The following TNFRSF10C variants were observed in gnomAD, a reference collection of about 807,000 sequenced individuals.
TNFRSF10C encodes tumor necrosis factor receptor superfamily member 10C.
TNFRSF10C carries 17 observed loss-of-function variants against 16.7 expected under a neutral mutation model. The ratio of observed to expected loss-of-function variants is 1.02; its 90% CI spans 0.70 to 1.53. The LOEUF is 1.53. Ranked by LOEUF, TNFRSF10C falls within the 40% of genes most tolerant of loss-of-function variation. TNFRSF10C has a pLI of 0.00. For missense variants in TNFRSF10C, 237 were observed against 329.7 expected (o/e 0.72, Z 2.18); for synonymous variants, 73 against 119.7 (o/e 0.61, Z 2.55).
rs371065044 is a variant in TNFRSF10C at position 23,111,727 on chromosome 8, C to G, written c.68C>G (p.Ala23Gly). 1.9e-6 allele frequency: 3 copies of G among 1,613,998 alleles called. No individual in the cohort carries two copies. Among genetic ancestry groups the G allele is most frequent in the Non-Finnish European group, 2.5e-6 (3 of 1,179,986 alleles). The change falls in exon 2 of 5, where the codon GCT becomes GGT. Residue 23 changes from alanine to glycine, a missense_variant. Physicochemically the swap from Ala to Gly is moderately conservative, Grantham distance 60 (BLOSUM62 0). Coordinates refer to ENST00000356864, the MANE Select transcript of TNFRSF10C (RefSeq NM_003841.5). ...ACTCCTTTGTCCCCACAGGTCCTAG[C>G]TTACTCTGCCACCACTGCCCGGCAG... is the stretch of plus-strand genomic sequence containing the variant. Reference protein sequence around the residue: ...VIVAVLLPVLAYSATTARQEE... With the variant: ...VIVAVLLPVLGYSATTARQEE...
chr8:23,104,296 C>T (rs1039040484), intron 1 of TNFRSF10C, among the ~76,000 whole-genome samples: 1 of 152,238 alleles, frequency 6.6e-6, no homozygotes, highest in African/African-American at 2.4e-5. Context: ...TGTACAATCA[C>T]TTTGTTAAAT....
intron 3 of TNFRSF10C, among the ~76,000 whole-genome samples, 181 bp downstream of exon 3, chr8:23,114,951 C>A (rs1813949455): frequency 6.6e-6 from 1 of 152,170 alleles, no homozygotes; most frequent in Admixed American, 6.5e-5. Flanking sequence ...ATGCATGCCA[C>A]CTGGCTGGGA....
At position 23,117,211 on chromosome 8, in the gene TNFRSF10C, T is replaced by A; in HGVS notation, c.*180T>A. The A allele has an allele frequency of 2.1e-6, 2 of 943,972 alleles. No homozygotes were observed. The highest frequency in any genetic ancestry group is 3.1e-6 in the Non-Finnish European group (2 of 644,160). The allele number at this position is 943,972 out of a possible 1,614,324, so 58.5% of individuals were successfully genotyped here. The stretch of plus-strand genomic sequence containing the variant: ...CAGCCTGGCTCTATCTTCCTCCTTG[T>A]GATCGTCCCATCCCCACATCCCGTG... On this transcript the variant is annotated 3_prime_UTR_variant, in exon 5 of 5. Transcript: ENST00000356864.
chr8:23,111,919 A>G lies in TNFRSF10C; in HGVS notation c.166+94A>G, dbSNP rs867440344. The stretch of plus-strand genomic sequence containing the variant: ...TACACCATGATGTTTTGAAATATGT[A>G]CGCATTGTGGAATGGCTAAATCAAG... On this transcript the variant is annotated intron_variant, in intron 2 of 4. Transcript: ENST00000356864. 91 of 1,274,918 alleles carry G rather than the reference A, an allele frequency of 7.1e-5. No homozygotes were observed. In the Middle Eastern group the frequency reaches 7.6e-4, roughly 11 times the overall value. 79.0% of individuals were successfully genotyped at this position (1,274,918 alleles called of 1,614,324 possible). A position where few individuals can be genotyped will look rare whatever the true frequency, so the allele number is the denominator to read the frequency against.
At chr8:23,104,344 C>T (rs2095105749) in intron 1 of TNFRSF10C, among the ~76,000 whole-genome samples, 1 of 152,228 alleles carries the variant, frequency 6.6e-6, no homozygotes, top group Non-Finnish European at 1.5e-5. Flanking sequence ...TGTTTTATGG[C>T]AGTACATTCA....
At chr8:23,109,364 A>G (rs1483384493) in intron 1 of TNFRSF10C, among the ~76,000 whole-genome samples, 2 of 152,158 alleles carry the variant, frequency 1.3e-5, no homozygotes, top group East Asian at 3.9e-4. Flanking sequence ...TGGGCCGGGC[A>G]CGGTGGCTCA....
At chr8:23,113,954 C>CAAA (rs781288895) in intron 2 of TNFRSF10C, among the ~76,000 whole-genome samples, 21 of 82,578 alleles carry the variant, frequency 2.5e-4, no homozygotes, top group African/African-American at 9.0e-4. Context: ...GACTCTGTCT[C>CAAA]AAAAAAAAAA....
intron 1 of TNFRSF10C, chr8:23,103,469 G>C (rs1473838959): frequency 1.7e-6 from 1 of 574,546 alleles, no homozygotes; most frequent in Non-Finnish European, 3.1e-6. Flanking sequence ...GGAACCCATA[G>C]AGTGAGCCTC....
At chr8:23,116,561 G>A in intron 4 of TNFRSF10C, 80 bp from the exon 5 acceptor site, 1 of 1,534,794 alleles carries the variant, frequency 6.5e-7, no homozygotes, top group Non-Finnish European at 8.8e-7. Context: ...GGACATTGGA[G>A]AGGGAGGGTG....
chr8:23,103,293 A>C, intron 1 of TNFRSF10C, 112 bp downstream of exon 1: 1 of 1,524,972 alleles, frequency 6.6e-7, no homozygotes, highest in Non-Finnish European at 8.9e-7. Context: ...GCGGCCGGGC[A>C]TGTCCGGGCA....
At chr8:23,103,857 A>G (rs1458052786) in intron 1 of TNFRSF10C, among the ~76,000 whole-genome samples, 1 of 152,230 alleles carries the variant, frequency 6.6e-6, no homozygotes, top group African/African-American at 2.4e-5. Flanking sequence ...TATTATGTAT[A>G]AAATATGCAG....
chr8:23,110,069 C>CAAAAAAAAAAAAAAAAAAAAAAA lies in TNFRSF10C; in HGVS notation c.61-1647_61-1625dup, dbSNP rs56263402. Among the ~76,000 whole-genome samples the CAAAAAAAAAAAAAAAAAAAAAAA allele has an allele frequency of 3.0e-4, 12 of 39,650 alleles. 4 individuals carry two copies. The East Asian group carries it at 3.7e-3, about 12-fold the overall frequency. The allele number at this position is 39,650 out of a possible 152,430, so 26.0% of individuals were successfully genotyped here. On this transcript the variant is annotated intron_variant, in intron 1 of 4. Coordinates refer to ENST00000356864, the MANE Select transcript of TNFRSF10C (RefSeq NM_003841.5). Reference sequence around the variant, plus strand: ...GGAGGACAGAGGGAGACCCTGTCTCCAAAAAAAAAAAAAAAAAAAAAAAAA... The same window carrying CAAAAAAAAAAAAAAAAAAAAAAA: ...GGAGGACAGAGGGAGACCCTGTCTCCAAAAAAAAAAAAAAAAAAAAAAAAAAAAAAAAAAAAAAAAAAAAAAAA...
intron 1 of TNFRSF10C, among the ~76,000 whole-genome samples, chr8:23,105,043 A>G (rs1813750240): frequency 6.6e-6 from 1 of 152,148 alleles, no homozygotes; most frequent in African/African-American, 2.4e-5. Flanking sequence ...GGCTGGTCCA[A>G]TCTGTGCGCC....
chr8:23,112,730 T>G (rs958237539), intron 2 of TNFRSF10C, among the ~76,000 whole-genome samples: 1 of 152,226 alleles, frequency 6.6e-6, no homozygotes, highest in Non-Finnish European at 1.5e-5. Flanking sequence ...CATGGACACG[T>G]AGGTTGATTC....
rs1813884322 is a variant in TNFRSF10C, at chr8:23,111,809, G to A, written c.150G>A (p.Gly50=). 6.2e-7 allele frequency: 1 copy of A among 1,613,902 alleles called. No individual in the cohort carries two copies. The highest frequency in any genetic ancestry group is 8.5e-7 in the Non-Finnish European group (1 of 1,179,964). Residue 50 remains glycine, a synonymous_variant, in exon 2 of 5, where the codon GGG becomes GGA. Coordinates refer to ENST00000356864, the MANE Select transcript of TNFRSF10C (RefSeq NM_003841.5). ...APQQQRHSFK[G]EECPAGSHRS... is the part of the protein sequence containing the mutation. ...AGCAACAGAGGCACAGCTTCAAGGG[G>A]GAGGAGTGTCCAGCAGGTGCACTCT...
In TNFRSF10C at chr8:23,111,398, G is replaced by A. The variant is rs576698572; in HGVS notation, c.61-322G>A. 3.9e-5 allele frequency among the ~76,000 whole-genome samples: 6 copies of A among 152,006 alleles called. No individual in the cohort carries two copies. In the South Asian group the frequency reaches 8.3e-4, roughly 21 times the overall value. ...CACCCAGCTAATTTTTGTATTTTTAGTAGAGACAGGGTTTCACCGTGTTGG... is the reference window on the plus strand; with the variant it reads ...CACCCAGCTAATTTTTGTATTTTTAATAGAGACAGGGTTTCACCGTGTTGG... On this transcript the variant is annotated intron_variant, in intron 1 of 4. Transcript: ENST00000356864.
At position 23,115,496 on chromosome 8, in the gene TNFRSF10C, C is replaced by G. The variant is rs1187330204; in HGVS notation, c.281-12C>G. The G allele has an allele frequency of 6.2e-7, 1 of 1,608,464 alleles. No individual in the cohort carries two copies. Among genetic ancestry groups the G allele is most frequent in the East Asian group, 2.2e-5 (1 of 44,794 alleles). ...GGAAACACATTCCCAAAACCTTATG[C>G]TCTGTTGTCAGATCAAAAACATAAA... On this transcript the variant is annotated splice_polypyrimidine_tract_variant and intron_variant, in intron 3 of 4. Transcript: ENST00000356864.
At chr8:23,108,892 C>T (rs916974842) in intron 1 of TNFRSF10C, among the ~76,000 whole-genome samples, 1 of 152,194 alleles carries the variant, frequency 6.6e-6, no homozygotes, top group East Asian at 1.9e-4. Flanking sequence ...ACAATATGAT[C>T]TCTAAACTTA....
chr8:23,115,472 G>GA (rs1176308991), intron 3 of TNFRSF10C, 36 bp from the exon 4 acceptor site: 2 of 1,579,176 alleles, frequency 1.3e-6, no homozygotes, highest in Non-Finnish European at 1.7e-6. Flanking sequence ...ATACATCAGG[G>GA]AAACACATTC....
Sources: gnomAD v4.1 joint callset for allele counts (sites outside exome capture counted in the v4.1 genomes callset) on GRCh38, gnomAD v4.1.1 for gene constraint, MANE v1.5 for transcripts, NCBI Gene and HGNC (gene_info 2026-07-23, HGNC 2026-07-21) for gene names.